ACTR3C: variants seen among roughly 807,000 people sequenced by gnomAD.
The protein encoded by ACTR3C is actin related protein 3C.
Under a neutral mutation model 26.3 loss-of-function variants are expected in ACTR3C, and 18 were observed. That is an observed-to-expected ratio of 0.68 (90% CI 0.47 to 1.01). The LOEUF (loss-of-function observed/expected upper bound fraction) is 1.01. Ranked by LOEUF, ACTR3C falls within the 50% of genes least tolerant of loss-of-function variation. ACTR3C has a pLI of 0.00. For synonymous variants in ACTR3C, 55 were observed against 94.5 expected, an observed-to-expected ratio of 0.58 and a Z score of 2.42; for missense variants, 184 against 250.7, an observed-to-expected ratio of 0.73 and a Z score of 1.80.
chr7:149,995,403 G>A, the ACTR3C span, among the ~76,000 whole-genome samples: 1 of 152,366 alleles, frequency 6.6e-6, no homozygotes, highest in South Asian at 2.1e-4. Context: ...GAAAGGGAGA[G>A]GAGGACAGGG....
intron 6 of ACTR3C, among the ~76,000 whole-genome samples, chr7:150,280,740 TACC>T (rs1835249551): frequency 1.3e-5 from 2 of 151,980 alleles, no homozygotes; most frequent in South Asian, 4.2e-4. Flanking sequence ...ACGATGTACA[TACC>T]TGTATCAAAT....
chr7:150,037,573 C>CA, the ACTR3C span, among the ~76,000 whole-genome samples: 11 of 55,478 alleles, frequency 2.0e-4, no homozygotes, highest in South Asian at 5.2e-4. Flanking sequence ...TCCTAAGAAC[C>CA]CGGGGGGGAA....
chr7:150,052,312 C>T, the ACTR3C span, among the ~76,000 whole-genome samples: 5 of 152,108 alleles, frequency 3.3e-5, no homozygotes, highest in African/African-American at 1.2e-4. Flanking sequence ...CCACTAGGGG[C>T]TGGGTAGTAA....
chr7:150,266,087 A>C (rs989155422), intron 6 of ACTR3C, among the ~76,000 whole-genome samples: 5 of 148,592 alleles, frequency 3.4e-5, no homozygotes, highest in Non-Finnish European at 5.9e-5. Context: ...AGTCCAGTGC[A>C]GGGTAAGACT....
chr7:150,029,165 A>G, the ACTR3C span, among the ~76,000 whole-genome samples: 1 of 151,930 alleles, frequency 6.6e-6, no homozygotes, highest in Admixed American at 6.6e-5. Flanking sequence ...TTCAGCACAA[A>G]TGTTGACACC....
At chr7:149,990,702 G>T in the ACTR3C span, among the ~76,000 whole-genome samples, 13,222 of 149,542 alleles carry the variant, frequency 0.088, 667 homozygotes, top group Non-Finnish European at 0.13. Flanking sequence ...GAGCCTGGGG[G>T]AACTCAAGAT....
chr7:149,896,036 A>C, the ACTR3C span, among the ~76,000 whole-genome samples: 1 of 27,806 alleles, frequency 3.6e-5, no homozygotes, highest in Non-Finnish European at 1.1e-4. Context: ...TGTCTCTACA[A>C]AAAAAAAAAA....
chr7:149,891,988 A>G, the ACTR3C span, among the ~76,000 whole-genome samples: 1 of 131,374 alleles, frequency 7.6e-6, no homozygotes. Context: ...AGGTTAGTCA[A>G]CCTGTCAACA....
chr7:149,895,647 A>C, the ACTR3C span, among the ~76,000 whole-genome samples: 106,925 of 151,504 alleles, frequency 0.71, 38,540 homozygotes, highest in South Asian at 0.84. Flanking sequence ...ACAGCCTGGG[A>C]AACATAGCAA....
At chr7:150,047,358 G>T in the ACTR3C span, among the ~76,000 whole-genome samples, 2 of 152,166 alleles carry the variant, frequency 1.3e-5, no homozygotes, top group Admixed American at 1.3e-4. Context: ...CCCAGCAGGC[G>T]CAGTACCCAA....
the ACTR3C span, among the ~76,000 whole-genome samples, chr7:149,963,144 G>A: frequency 6.6e-6 from 1 of 151,858 alleles, no homozygotes; most frequent in Non-Finnish European, 1.5e-5. Context: ...GCCTCCCTGG[G>A]ATGACGCCAA....
the ACTR3C span, among the ~76,000 whole-genome samples, chr7:150,042,198 T>G: frequency 7.3e-5 from 1 of 13,774 alleles, no homozygotes; most frequent in Non-Finnish European, 1.2e-4. Context: ...TCCCCCCCCC[T>G]GCGATGAGGG....
At chr7:149,886,502 T>C in the ACTR3C span, among the ~76,000 whole-genome samples, 95,234 of 151,832 alleles carry the variant, frequency 0.63, 30,332 homozygotes, top group African/African-American at 0.72. Flanking sequence ...AAAAGCAGAG[T>C]ATTGAGAGGG....
the ACTR3C span, among the ~76,000 whole-genome samples, chr7:149,944,314 A>G: frequency 6.6e-6 from 1 of 152,070 alleles, no homozygotes; most frequent in African/African-American, 2.4e-5. Flanking sequence ...TTACCTCCTG[A>G]TAATGTTCTA....
At chr7:150,257,695 C>A (rs1466606169) in intron 6 of ACTR3C, among the ~76,000 whole-genome samples, 1 of 152,116 alleles carries the variant, frequency 6.6e-6, no homozygotes, top group African/African-American at 2.4e-5. Flanking sequence ...ATGGAAATGC[C>A]CAAATTGCCC....
At chr7:149,997,737 G>A in the ACTR3C span, among the ~76,000 whole-genome samples, 1 of 149,304 alleles carries the variant, frequency 6.7e-6, no homozygotes, top group Non-Finnish European at 1.5e-5. Context: ...TGCAAAATAT[G>A]TGCCTATCTT....
intron 6 of ACTR3C, among the ~76,000 whole-genome samples, chr7:150,264,290 C>T (rs1288939619): frequency 2.6e-5 from 4 of 152,212 alleles, no homozygotes; most frequent in South Asian, 2.1e-4. Context: ...GAGCTCCTTG[C>T]GGTCAGCACT....
chr7:150,182,868 A>G, the ACTR3C span, among the ~76,000 whole-genome samples: 2 of 151,066 alleles, frequency 1.3e-5, no homozygotes, highest in South Asian at 2.1e-4. Context: ...ATATTAATGG[A>G]CAAGGCTGAA....
chr7:150,122,318 G>A, the ACTR3C span, among the ~76,000 whole-genome samples: 1 of 151,976 alleles, frequency 6.6e-6, no homozygotes, highest in East Asian at 1.9e-4. Flanking sequence ...AGTGAACAGG[G>A]AGAAAATTTT....
Sources: allele counts gnomAD v4.1 joint callset (sites outside exome capture counted in the v4.1 genomes callset), GRCh38; gene constraint gnomAD v4.1.1; transcripts MANE v1.5; gene names NCBI Gene and HGNC (gene_info 2026-07-23, HGNC 2026-07-21).